NHSL1: variants seen among roughly 807,000 people sequenced by gnomAD.
NHSL1 encodes the protein NHS-like protein 1.
NHSL1 carries 48 observed loss-of-function variants against 95.0 expected under a neutral mutation model. The ratio of observed to expected loss-of-function variants is 0.51; its 90% CI spans 0.40 to 0.64. The LOEUF is 0.64. NHSL1 is among the 30% of genes least tolerant of loss of function. NHSL1 has a pLI of 0.00. For missense variants in NHSL1, 1,971 were observed against 2,077.7 expected, an observed-to-expected ratio of 0.95 and a Z score of 1.00; for synonymous variants, 783 against 833.9, an observed-to-expected ratio of 0.94 and a Z score of 1.05.
At chr6:138,687,604 G>A (rs917652154) in intron 1 of NHSL1, among the ~76,000 whole-genome samples, 3 of 152,152 alleles carry the variant, frequency 2.0e-5, no homozygotes, top group Non-Finnish European at 4.4e-5. Context: ...ATATAACCTG[G>A]CCTTCCCTCC....
intron 1 of NHSL1, among the ~76,000 whole-genome samples, chr6:138,670,057 G>C (rs1310381860): frequency 6.6e-6 from 1 of 152,060 alleles, no homozygotes; most frequent in Non-Finnish European, 1.5e-5. Flanking sequence ...GGAGGTGGAG[G>C]TTGCAGTGAG....
At chr6:138,627,685 C>T (rs1193226782) in intron 1 of NHSL1, among the ~76,000 whole-genome samples, 1 of 151,436 alleles carries the variant, frequency 6.6e-6, no homozygotes, top group African/African-American at 2.4e-5. Context: ...AGTTTGAGAC[C>T]AGCCTGGCCA....
At chr6:138,545,140 G>A (rs1370386061) in intron 1 of NHSL1, among the ~76,000 whole-genome samples, 1 of 151,668 alleles carries the variant, frequency 6.6e-6, no homozygotes, top group Non-Finnish European at 1.5e-5. Context: ...ACAGGCACCC[G>A]CCACCACGCC....
intron 1 of NHSL1, among the ~76,000 whole-genome samples, chr6:138,536,744 C>T (rs529538990): frequency 6.6e-6 from 1 of 151,216 alleles, no homozygotes; most frequent in African/African-American, 2.4e-5. Flanking sequence ...TTAAGCCCTG[C>T]ATGCATTAGG....
At chr6:138,469,040 A>G (rs1562301689) in intron 3 of NHSL1, among the ~76,000 whole-genome samples, 2 of 152,212 alleles carry the variant, frequency 1.3e-5, no homozygotes, top group African/African-American at 4.8e-5. Flanking sequence ...AACACATTAC[A>G]GAGGGGTGAG....
upstream of NHSL1, among the ~76,000 whole-genome samples, chr6:138,503,122 C>T (rs77867883): frequency 2.8e-4 from 42 of 152,278 alleles, no homozygotes; most frequent in African/African-American, 9.1e-4. Context: ...CAGTGGTCAT[C>T]GGTGAATTTC....
rs976229476 is a variant in NHSL1 at position 138,692,217 on chromosome 6, G to A, written c.96+259C>T. The A allele has an allele frequency of 2.0e-5, 9 of 456,456 alleles. No homozygotes were observed. The highest frequency in any genetic ancestry group is 3.5e-5 in the Non-Finnish European group (8 of 226,902). The allele number at this position is 456,456 out of a possible 1,614,324, so 28.3% of individuals were successfully genotyped here. A position where few individuals can be genotyped will look rare whatever the true frequency, so the allele number is the denominator to read the frequency against. On this transcript the variant is annotated intron_variant, in intron 1 of 3. Transcript: ENST00000491526. This position sits in a 1 kb window ranked among gnomAD's most constrained non-coding sequence, Gnocchi z 4.0. ...AGACAGACAGAAGGAGCAGACAAGG[G>A]GACTGTCCAATTCCCACCCTCCGCG...
At chr6:138,485,174 G>A (rs191922932) in intron 2 of NHSL1, among the ~76,000 whole-genome samples, 9 of 152,214 alleles carry the variant, frequency 5.9e-5, no homozygotes, top group African/African-American at 1.9e-4. Context: ...AAGCCAACAC[G>A]GGAGACTTCG....
intron 4 of NHSL1, 49 bp downstream of exon 4, chr6:138,446,952 A>C: frequency 6.6e-7 from 1 of 1,507,170 alleles, no homozygotes; most frequent in Non-Finnish European, 9.0e-7. Context: ...AAAAAGCTGT[A>C]GTCATTCTCC....
At position 138,499,299 on chromosome 6, in the gene NHSL1, C is replaced by T. The variant is rs1208105950; in HGVS notation, c.-9G>A. On this transcript the variant is annotated 5_prime_UTR_variant, in exon 1 of 8. Transcript: ENST00000343505. ...TTAATGAAGACCACCATTTCCAGGGCACCTACATAGAGCTTAGAAATGTAA... is the reference window on the plus strand; with the variant it reads ...TTAATGAAGACCACCATTTCCAGGGTACCTACATAGAGCTTAGAAATGTAA... 1.3e-6 allele frequency: 2 copies of T among 1,550,518 alleles called. No homozygotes were observed. The highest frequency in any genetic ancestry group is 1.4e-5 in the African/African-American group (1 of 72,990).
At chr6:138,580,694 G>T (rs1308136704) in intron 1 of NHSL1, among the ~76,000 whole-genome samples, 1 of 152,178 alleles carries the variant, frequency 6.6e-6, no homozygotes, top group Admixed American at 6.5e-5. Flanking sequence ...CAACACAATC[G>T]TTTGGCAAAC....
intron 1 of NHSL1, among the ~76,000 whole-genome samples, chr6:138,673,731 T>C (rs1785411450): frequency 6.6e-6 from 1 of 152,246 alleles, no homozygotes; most frequent in African/African-American, 2.4e-5. Flanking sequence ...TTTCAAGTCA[T>C]GTTTGACATG....
intron 1 of NHSL1, among the ~76,000 whole-genome samples, chr6:138,558,147 G>A (rs992793685): frequency 7.9e-5 from 12 of 151,938 alleles, no homozygotes; most frequent in African/African-American, 2.9e-4. Flanking sequence ...TTTTGAGATG[G>A]AGTCTTGTTC....
chr6:138,669,877 T>C (rs1785341446), intron 1 of NHSL1, among the ~76,000 whole-genome samples: 2 of 152,046 alleles, frequency 1.3e-5, no homozygotes, highest in South Asian at 4.1e-4. Flanking sequence ...TCCTAGCACT[T>C]TGGGAGGCCA....
chr6:138,547,795 T>G (rs1323791739), upstream of NHSL1, among the ~76,000 whole-genome samples: 1 of 152,224 alleles, frequency 6.6e-6, no homozygotes, highest in Non-Finnish European at 1.5e-5. Context: ...GACCAGCTGA[T>G]TAGCCTCTTC....
At chr6:138,583,118 T>C (rs550754653) in intron 1 of NHSL1, among the ~76,000 whole-genome samples, 1 of 152,158 alleles carries the variant, frequency 6.6e-6, no homozygotes, top group African/African-American at 2.4e-5. Context: ...GGGGCAGTCC[T>C]GGGTACAAAG....
chr6:138,491,564 T>C (rs1302052650), intron 2 of NHSL1, among the ~76,000 whole-genome samples: 1 of 152,320 alleles, frequency 6.6e-6, no homozygotes, highest in Middle Eastern at 3.4e-3. Context: ...ATGAAGTTCA[T>C]GAAGGATTCA....
chr6:138,580,857 T>C (rs555848930), intron 1 of NHSL1, among the ~76,000 whole-genome samples: 2 of 152,350 alleles, frequency 1.3e-5, no homozygotes, highest in African/African-American at 4.8e-5. Context: ...TAGACTATGG[T>C]GGATTAGCGC....
chr6:138,692,794 C>T (rs1785700502), upstream of NHSL1, among the ~76,000 whole-genome samples: 1 of 150,736 alleles, frequency 6.6e-6, no homozygotes, highest in African/African-American at 2.4e-5. This position sits in a 1 kb window ranked among gnomAD's most constrained non-coding sequence, Gnocchi z 4.0. Flanking sequence ...CGCGGGATCC[C>T]TCAGTCTGCC....
Sources: allele counts gnomAD v4.1 joint callset (sites outside exome capture counted in the v4.1 genomes callset), GRCh38; gene constraint gnomAD v4.1.1; non-coding constraint Gnocchi (gnomAD v3.1); transcripts MANE v1.5; gene names NCBI Gene and HGNC (gene_info 2026-07-23, HGNC 2026-07-21).